Variants in MIA2 observed in about 807,000 individuals in gnomAD.
MIA2 encodes MIA SH3 domain ER export factor 2.
A neutral mutation model predicts 167.8 loss-of-function variants in MIA2; 127 were observed. The ratio of observed to expected loss-of-function variants is 0.76; its 90% CI spans 0.66 to 0.88. The LOEUF (loss-of-function observed/expected upper bound fraction) is 0.88. Among genes scored for constraint, MIA2 ranks in the 40% least tolerant of loss-of-function variants. The pLI is 0.00. For missense variants in MIA2, 1,690 were observed against 1,624.7 expected (o/e 1.04, Z -0.69); for synonymous variants, 552 against 541.9 (o/e 1.02, Z -0.26).
At chr14:39,316,249 T>G (rs939186883) in intron 21 of MIA2, among the ~76,000 whole-genome samples, 2 of 152,254 alleles carry the variant, frequency 1.3e-5, no homozygotes, top group Non-Finnish European at 2.9e-5. Flanking sequence ...GTGATGAGGA[T>G]GCAGATTTTG....
chr14:39,267,924 G>A (rs959151321), intron 6 of MIA2, among the ~76,000 whole-genome samples: 6 of 151,304 alleles, frequency 4.0e-5, no homozygotes, highest in Non-Finnish European at 7.4e-5. Flanking sequence ...GTAACTTCTC[G>A]TTGAACCTTG....
chr14:39,360,195 G>T (rs559722153), intron 23 of MIA2, among the ~76,000 whole-genome samples: 4 of 152,122 alleles, frequency 2.6e-5, no homozygotes, highest in Non-Finnish European at 5.9e-5. Context: ...CTAGCTACTT[G>T]GGAGGCTGAG....
chr14:39,241,204 G>A (rs1056345524), intron 3 of MIA2, among the ~76,000 whole-genome samples: 8 of 152,142 alleles, frequency 5.3e-5, no homozygotes, highest in African/African-American at 1.7e-4. Flanking sequence ...GCATGATAAT[G>A]TTGGGCTTCA....
At chr14:39,356,802 G>T (rs906829078) in intron 23 of MIA2, among the ~76,000 whole-genome samples, 2 of 152,022 alleles carry the variant, frequency 1.3e-5, no homozygotes, top group Non-Finnish European at 2.9e-5. Context: ...CCTTTATTTC[G>T]TTATGTACCC....
At chr14:39,323,848 AT>A (rs1475345708) in intron 24 of MIA2, among the ~76,000 whole-genome samples, 8 of 152,142 alleles carry the variant, frequency 5.3e-5, no homozygotes, top group African/African-American at 1.9e-4. Context: ...CTCCTATTTA[AT>A]TTAAAGATAC....
chr14:39,279,944 T>C (rs2058679662), intron 9 of MIA2, among the ~76,000 whole-genome samples: 1 of 152,196 alleles, frequency 6.6e-6, no homozygotes, highest in East Asian at 1.9e-4. Flanking sequence ...CATTCTGAGG[T>C]ACTGGGGTTG....
intron 26 of MIA2, chr14:39,346,917 T>C (rs1295470212): frequency 6.2e-6 from 2 of 323,472 alleles, no homozygotes; most frequent in Non-Finnish European, 1.2e-5. Context: ...GGAAAGTCAG[T>C]ATTTTATTTT....
intron 6 of MIA2, chr14:39,265,435 T>A: frequency 6.3e-7 from 1 of 1,599,444 alleles, no homozygotes; most frequent in Non-Finnish European, 8.5e-7. Context: ...AGTTTATAAC[T>A]ATTAAGCATA....
chr14:39,346,770 C>T (rs2073363156), intron 26 of MIA2: 1 of 167,530 alleles, frequency 6.0e-6, no homozygotes, highest in Non-Finnish European at 1.3e-5. Context: ...TGCACCACCA[C>T]ACATGGCTAA....
At chr14:39,371,709 ACT>A (rs1228307837) in intron 23 of MIA2, among the ~76,000 whole-genome samples, 1 of 152,208 alleles carries the variant, frequency 6.6e-6, no homozygotes, top group African/African-American at 2.4e-5. Flanking sequence ...CGGAAATACG[ACT>A]CAAACTGGTT....
At chr14:39,298,698 GTCT>G (rs1440294391) in intron 13 of MIA2, among the ~76,000 whole-genome samples, 1 of 151,008 alleles carries the variant, frequency 6.6e-6, no homozygotes, top group Non-Finnish European at 1.5e-5. Flanking sequence ...TGCCTGCTCA[GTCT>G]TCTTTTTTCT....
chr14:39,320,190 C>G (rs1391651168), intron 23 of MIA2, among the ~76,000 whole-genome samples: 1 of 151,958 alleles, frequency 6.6e-6, no homozygotes, highest in Non-Finnish European at 1.5e-5. Context: ...AATATTATAC[C>G]AGCTACACTC....
At chr14:39,299,305 CTTT>C (rs34424266) in intron 13 of MIA2, among the ~76,000 whole-genome samples, 3 of 95,090 alleles carry the variant, frequency 3.2e-5, no homozygotes, top group African/African-American at 4.0e-5. Flanking sequence ...AATGGTATTT[CTTT>C]TTTTTTTTTT....
intron 6 of MIA2, among the ~76,000 whole-genome samples, chr14:39,274,900 C>T (rs1279316359): frequency 6.7e-6 from 1 of 148,624 alleles, no homozygotes; most frequent in African/African-American, 2.5e-5. Flanking sequence ...CATGGTGAAA[C>T]CCTGTCTCTA....
At chr14:39,300,984 A>G (rs1226984156) in intron 14 of MIA2, among the ~76,000 whole-genome samples, 2,720 of 81,386 alleles carry the variant, frequency 0.033, 100 homozygotes, top group African/African-American at 0.097. Flanking sequence ...ACATATATAC[A>G]TATATACACA....
chr14:39,291,970 C>T (rs1373824110), intron 10 of MIA2, among the ~76,000 whole-genome samples: 1 of 152,174 alleles, frequency 6.6e-6, no homozygotes, highest in African/African-American at 2.4e-5. Context: ...GCGTCTAGTA[C>T]AGTGTGGCAG....
intron 23 of MIA2, among the ~76,000 whole-genome samples, chr14:39,370,912 C>A (rs541765635): frequency 2.0e-5 from 3 of 152,296 alleles, no homozygotes; most frequent in African/African-American, 7.2e-5. Context: ...GAAGAAAAAT[C>A]AATAATCCAA....
chr14:39,321,696 C>A (rs2066468307), intron 24 of MIA2, among the ~76,000 whole-genome samples: 1 of 151,848 alleles, frequency 6.6e-6, no homozygotes, highest in Non-Finnish European at 1.5e-5. Context: ...TTTTGTAAGA[C>A]TGCATGAAAT....
intron 23 of MIA2, among the ~76,000 whole-genome samples, chr14:39,382,108 C>T (rs1363169082): frequency 6.6e-6 from 1 of 152,220 alleles, no homozygotes; most frequent in East Asian, 1.9e-4. Context: ...CAGAAAGATA[C>T]TGCCTGCTCT....
Sources: gnomAD v4.1 joint callset for allele counts (sites outside exome capture counted in the v4.1 genomes callset) on GRCh38, gnomAD v4.1.1 for gene constraint, MANE v1.5 for transcripts, NCBI Gene and HGNC (gene_info 2026-07-23, HGNC 2026-07-21) for gene names.